The following PDE4B variants were observed in gnomAD, a reference collection of about 807,000 sequenced individuals.
PDE4B encodes phosphodiesterase 4B, also known as 3',5'-cyclic-AMP phosphodiesterase 4B.
In PDE4B, 20 loss-of-function variants were observed where a neutral mutation model predicts 82.2. The ratio of observed to expected loss-of-function variants is 0.24; its 90% CI spans 0.17 to 0.35. The LOEUF is 0.35. PDE4B is among the 10% of genes least tolerant of loss of function. The pLI is 1.00. For synonymous variants in PDE4B, 320 were observed against 318.9 expected (o/e 1.00, Z -0.04); for missense variants, 655 against 907.2 (o/e 0.72, Z 3.57).
intron 1 of PDE4B, among the ~76,000 whole-genome samples, chr1:65,904,406 TTA>T (rs554078248): frequency 1.6e-4 from 25 of 152,320 alleles, no homozygotes; most frequent in African/African-American, 5.1e-4. Flanking sequence ...GCTTTTTAAG[TTA>T]TGTTTTAGAT....
At chr1:66,005,416 A>G (rs2503182) in intron 3 of PDE4B, among the ~76,000 whole-genome samples, 115,495 of 152,072 alleles carry the variant, frequency 0.76, 44,121 homozygotes, top group African/African-American at 0.83. Flanking sequence ...TTTCTTGGTC[A>G]TTTCAAAGAA....
chr1:66,142,064 G>T (rs1646183871), intron 3 of PDE4B, among the ~76,000 whole-genome samples: 1 of 152,022 alleles, frequency 6.6e-6, no homozygotes, highest in Non-Finnish European at 1.5e-5. Context: ...CTAGATTAAA[G>T]AAAATGTTAT....
chr1:65,894,232 G>A (rs1424883774), intron 1 of PDE4B, among the ~76,000 whole-genome samples: 2 of 152,104 alleles, frequency 1.3e-5, no homozygotes, highest in African/African-American at 4.8e-5. Flanking sequence ...TAGACACTAA[G>A]ATAGAGAGTC....
chr1:65,838,448 T>C (rs1300313023), intron 1 of PDE4B, among the ~76,000 whole-genome samples: 1 of 150,368 alleles, frequency 6.7e-6, no homozygotes, highest in African/African-American at 2.4e-5. Flanking sequence ...ATTAATCTTT[T>C]CTTCTTCCTT....
At chr1:66,355,091 C>A in intron 8 of PDE4B, 2 of 446,248 alleles carry the variant, frequency 4.5e-6, no homozygotes, top group South Asian at 1.2e-4. Context: ...TAATCCTGTT[C>A]TTTTTACTGA....
At chr1:66,027,711 C>T (rs1280899882) in intron 3 of PDE4B, among the ~76,000 whole-genome samples, 2 of 152,066 alleles carry the variant, frequency 1.3e-5, no homozygotes, top group Admixed American at 1.3e-4. Flanking sequence ...AGAGATTGGC[C>T]AAAACAAAGG....
intron 3 of PDE4B, among the ~76,000 whole-genome samples, chr1:66,069,705 G>T (rs1656052259): frequency 6.6e-6 from 1 of 152,036 alleles, no homozygotes; most frequent in South Asian, 2.1e-4. Context: ...ATGGAATATT[G>T]GTACCATTAT....
intron 7 of PDE4B, among the ~76,000 whole-genome samples, chr1:66,297,972 T>A (rs892726928): frequency 3.9e-5 from 6 of 152,176 alleles, no homozygotes; most frequent in African/African-American, 1.4e-4. Context: ...TATCCTATTA[T>A]ATGTAAAAGT....
chr1:66,220,528 T>C (rs1034241720), intron 3 of PDE4B, among the ~76,000 whole-genome samples: 11 of 152,178 alleles, frequency 7.2e-5, no homozygotes, highest in African/African-American at 2.4e-4. Flanking sequence ...CAAGCTGAGA[T>C]GGATGATGAC....
chr1:66,234,341 T>C (rs148176666), intron 3 of PDE4B, among the ~76,000 whole-genome samples: 2,396 of 152,230 alleles, frequency 0.016, 61 homozygotes, highest in African/African-American at 0.055. Context: ...AAGACTGGAG[T>C]GCAATGGCAG....
chr1:66,361,411 A>G (rs568427393), intron 9 of PDE4B, among the ~76,000 whole-genome samples: 2 of 152,226 alleles, frequency 1.3e-5, no homozygotes, highest in Admixed American at 1.3e-4. Flanking sequence ...ATAACATGGA[A>G]CAACAAATCT....
At chr1:66,061,806 T>C (rs1230784734) in intron 3 of PDE4B, among the ~76,000 whole-genome samples, 1 of 152,030 alleles carries the variant, frequency 6.6e-6, no homozygotes, top group African/African-American at 2.4e-5. Context: ...ACCTAATGCA[T>C]GAGGAGGTTA....
chr1:66,180,452 G>A (rs1647039316), intron 3 of PDE4B, among the ~76,000 whole-genome samples: 2 of 152,160 alleles, frequency 1.3e-5, no homozygotes, highest in South Asian at 4.1e-4. Context: ...GCAGGGAGTG[G>A]CATGGCACAA....
intron 3 of PDE4B, among the ~76,000 whole-genome samples, chr1:66,228,448 C>A (rs1407798897): frequency 2.0e-5 from 3 of 152,014 alleles, no homozygotes; most frequent in African/African-American, 7.3e-5. Context: ...CACAGTGAAA[C>A]CCCATCTCTA....
chr1:66,051,082 AAAGTAT>A lies in PDE4B; in HGVS notation c.281+132254_281+132259del, dbSNP rs1654999539. 2.0e-5 allele frequency among the ~76,000 whole-genome samples: 3 copies of A among 152,144 alleles called. No individual in the cohort carries two copies. In the East Asian group the frequency reaches 5.8e-4, roughly 29 times the overall value. On this transcript the variant is annotated intron_variant, in intron 3 of 16. Transcript: ENST00000341517. ...GTTTTTAAAAGTTAAATTTTCTTCT[AAAGTAT>A]AAGTATGTTTTTGCCTTTGGAACAA...
At chr1:65,987,692 A>G (rs1204341743) in intron 3 of PDE4B, among the ~76,000 whole-genome samples, 1 of 152,080 alleles carries the variant, frequency 6.6e-6, no homozygotes, top group Non-Finnish European at 1.5e-5. Flanking sequence ...TGCTCACCAC[A>G]ACCTCCACTT....
intron 6 of PDE4B, among the ~76,000 whole-genome samples, chr1:66,262,549 C>T (rs1234795884): frequency 2.6e-5 from 4 of 152,212 alleles, no homozygotes; most frequent in African/African-American, 4.8e-5. Context: ...CAATCAGCCA[C>T]GTAACTTCTT....
At chr1:66,170,167 C>T (rs1457152101) in intron 3 of PDE4B, among the ~76,000 whole-genome samples, 2 of 152,104 alleles carry the variant, frequency 1.3e-5, no homozygotes, top group Non-Finnish European at 2.9e-5. Flanking sequence ...AGTTCCTCAA[C>T]AACATTCGTG....
At chr1:66,108,326 A>T (rs894900979) in intron 3 of PDE4B, among the ~76,000 whole-genome samples, 1 of 151,976 alleles carries the variant, frequency 6.6e-6, no homozygotes, top group Non-Finnish European at 1.5e-5. Context: ...ACTAAAACAT[A>T]AGACCTGAGA....
Sources: gnomAD v4.1 joint callset for allele counts (sites outside exome capture counted in the v4.1 genomes callset) on GRCh38, gnomAD v4.1.1 for gene constraint, MANE v1.5 for transcripts, NCBI Gene and HGNC (gene_info 2026-07-23, HGNC 2026-07-21) for gene names.